GPLD1: variants seen among roughly 807,000 people sequenced by gnomAD.
The protein encoded by GPLD1 is phosphatidylinositol-glycan-specific phospholipase D.
A neutral mutation model predicts 112.6 loss-of-function variants in GPLD1; 84 were observed. The observed-to-expected ratio is 0.75, with a 90% CI of 0.63 to 0.89. The LOEUF (loss-of-function observed/expected upper bound fraction) is 0.89, where lower values mean the gene tolerates loss of function less well. Ranked by LOEUF, GPLD1 falls within the 40% of genes least tolerant of loss-of-function variation. The pLI is 0.00. For missense variants in GPLD1, 1,044 were observed against 1,051.5 expected, an observed-to-expected ratio of 0.99 and a Z score of 0.10; for synonymous variants, 386 against 403.8, an observed-to-expected ratio of 0.96 and a Z score of 0.53.
At chr6:24,493,656 T>C (rs1764614265), upstream of GPLD1, among the ~76,000 whole-genome samples, 1 of 152,156 alleles carries the variant, frequency 6.6e-6, no homozygotes, top group Non-Finnish European at 1.5e-5. Context: ...TGCAATAAAA[T>C]ACAGAGCAAA....
intron 7 of GPLD1, 110 bp from the exon 8 acceptor site, chr6:24,467,384 T>C (rs1315896349): frequency 2.4e-5 from 16 of 679,586 alleles, no homozygotes; most frequent in East Asian, 2.6e-5. Flanking sequence ...CCAGGCACCA[T>C]GTAAAAGTCT....
chr6:24,477,937 T>C (rs565763696), intron 3 of GPLD1, among the ~76,000 whole-genome samples: 1 of 152,306 alleles, frequency 6.6e-6, no homozygotes, highest in African/African-American at 2.4e-5. Context: ...GGAATTTGTA[T>C]GCAAATTCCC....
intron 14 of GPLD1, 33 bp from the exon 15 acceptor site, chr6:24,449,932 G>T (rs1488130245): frequency 6.7e-7 from 1 of 1,483,448 alleles, no homozygotes. Flanking sequence ...CCCCTGGGCT[G>T]AGCCACGGCC....
At chr6:24,455,075 G>A (rs1367129036) in intron 13 of GPLD1, among the ~76,000 whole-genome samples, 2 of 152,254 alleles carry the variant, frequency 1.3e-5, no homozygotes, top group Non-Finnish European at 2.9e-5. Context: ...AACCCAGTGA[G>A]CCGAAATCAG....
Position 24,472,629 on chromosome 6 carries a change from A to G in GPLD1, c.498T>C (p.Asp166=). ...AATTAAATTCAAACTGGCTCAACACATCTCCTCCTAGGGTATGAGAAAAAT... is the reference window on the plus strand; with the variant it reads ...AATTAAATTCAAACTGGCTCAACACGTCTCCTCCTAGGGTATGAGAAAAAT... ...EAHSAGDFGG[D]VLSQFEFNFN... Residue 166 remains aspartate (D), a synonymous_variant, in exon 7 of 25, where the codon GAT becomes GAC. Transcript: ENST00000230036. 6.3e-7 allele frequency: 1 copy of G among 1,583,878 alleles called. No homozygotes were observed. The highest frequency in any genetic ancestry group is 8.7e-7 in the Non-Finnish European group (1 of 1,152,570).
At chr6:24,465,209 A>AAAAG (rs1554132345) in intron 10 of GPLD1, among the ~76,000 whole-genome samples, 2,498 of 106,600 alleles carry the variant, frequency 0.023, 41 homozygotes, top group African/African-American at 0.065. Context: ...AAAAAAAAAA[A>AAAAG]AAAAGAAAAG....
intron 10 of GPLD1, among the ~76,000 whole-genome samples, chr6:24,464,038 T>C (rs1469962029): frequency 2.6e-5 from 4 of 152,174 alleles, no homozygotes; most frequent in Non-Finnish European, 4.4e-5. Flanking sequence ...CAAACCAAAA[T>C]TGAACACCAA....
At position 24,437,388 on chromosome 6, in the gene GPLD1, C is replaced by T. The variant is rs555710170; in HGVS notation, c.2021-99G>A. 613 of 1,131,474 alleles carry T rather than the reference C, an allele frequency of 5.4e-4. 1 individual carries two copies. Among genetic ancestry groups the T allele is most frequent in the Non-Finnish European group, 4.4e-4 (347 of 785,416 alleles). The allele number at this position is 1,131,474 out of a possible 1,614,324, so 70.1% of individuals were successfully genotyped here. ...TCAAGTGACACTGATCACTCGGGATCCTACAGGACAGTCGGTTTCGGAGCT... is the reference window on the plus strand; with the variant it reads ...TCAAGTGACACTGATCACTCGGGATTCTACAGGACAGTCGGTTTCGGAGCT... On this transcript the variant is annotated intron_variant, in intron 20 of 24. Coordinates refer to ENST00000230036, the MANE Select transcript of GPLD1 (RefSeq NM_001503.4).
chr6:24,427,362 G>A lies in GPLD1; in HGVS notation c.*1670C>T, dbSNP rs1762269677. 6.6e-6 allele frequency among the ~76,000 whole-genome samples: 1 copy of A among 152,140 alleles called. No homozygotes were observed. Among genetic ancestry groups the A allele is most frequent in the Non-Finnish European group, 1.5e-5 (1 of 68,030 alleles). ...ACATCTTTTCCCTCTAGTTCTTTTG[G>A]CACAAGTTGTAACCTAATGCGACAA... On this transcript the variant is annotated 3_prime_UTR_variant, in exon 25 of 25. Coordinates refer to ENST00000230036, the MANE Select transcript of GPLD1 (RefSeq NM_001503.4).
intron 7 of GPLD1, among the ~76,000 whole-genome samples, chr6:24,467,518 G>A (rs375169364): frequency 6.6e-6 from 1 of 152,156 alleles, no homozygotes; most frequent in Non-Finnish European, 1.5e-5. Context: ...CAATGATGCA[G>A]AGCAAACAAC....
chr6:24,476,139 G>T, intron 4 of GPLD1, 42 bp downstream of exon 4: 1 of 1,092,924 alleles, frequency 9.1e-7, no homozygotes, highest in Non-Finnish European at 1.4e-6. Flanking sequence ...TGCATGGCAG[G>T]TTTGGTGCTA....
rs77885128 is a variant in GPLD1 at position 24,431,198 on chromosome 6, G to A, written c.2436+1989C>T. On this transcript the variant is annotated intron_variant, in intron 24 of 24. Coordinates refer to ENST00000230036, the MANE Select transcript of GPLD1 (RefSeq NM_001503.4). ...GTCACTTAAATTATTGGCCACTAGA[G>A]GGCAGTTTCACCACAATTTTTCCTA... 3.2e-3 allele frequency among the ~76,000 whole-genome samples: 492 copies of A among 152,128 alleles called. 5 individuals carry two copies. The highest frequency in any genetic ancestry group is 0.011 in the African/African-American group (467 of 41,504).
At chr6:24,462,887 C>T (rs1208861519) in intron 10 of GPLD1, 92 bp from the exon 11 acceptor site, 17 of 930,330 alleles carry the variant, frequency 1.8e-5, no homozygotes, top group Non-Finnish European at 2.7e-5. Context: ...AATCATCTCC[C>T]AAAGGCTTAA....
chr6:24,470,929 T>C (rs557468008), intron 7 of GPLD1, among the ~76,000 whole-genome samples: 2 of 152,316 alleles, frequency 1.3e-5, no homozygotes, highest in East Asian at 3.9e-4. Context: ...ATTTTCCAAT[T>C]CATCTCTAGA....
intron 24 of GPLD1, among the ~76,000 whole-genome samples, chr6:24,431,170 TG>T (rs1762391470): frequency 6.6e-6 from 1 of 152,182 alleles, no homozygotes; most frequent in Admixed American, 6.5e-5. Flanking sequence ...TGCCTGTAAA[TG>T]GGTCACTTAA....
At position 24,485,673 on chromosome 6, in the gene GPLD1, TC is replaced by T. The variant is rs200211992; in HGVS notation, c.153+401del. ...AACATAAAGAAATAAATAATGAGTC[TC>T]TTTTTTTTTTTTGAGACGGAGTTTC... On this transcript the variant is annotated intron_variant, in intron 2 of 24. Coordinates refer to ENST00000230036, the MANE Select transcript of GPLD1 (RefSeq NM_001503.4). 9.3e-3 allele frequency among the ~76,000 whole-genome samples: 898 copies of T among 96,178 alleles called. 7 individuals are homozygous for T. The highest frequency in any genetic ancestry group is 0.013 in the Non-Finnish European group (633 of 48,220). The allele number at this position is 96,178 out of a possible 152,430, so 63.1% of individuals were successfully genotyped here. A position where few individuals can be genotyped will look rare whatever the true frequency, so the allele number is the denominator to read the frequency against.
At chr6:24,449,999 C>CCCCGCCA in intron 14 of GPLD1, 100 bp from the exon 15 acceptor site, 1 of 730,548 alleles carries the variant, frequency 1.4e-6, no homozygotes, top group Admixed American at 2.8e-5. Flanking sequence ...AACCCCCGCC[C>CCCCGCCA]CCCGCCACCC....
In GPLD1 at chr6:24,454,770, T is replaced by C. The variant is rs551169995; in HGVS notation, c.1149-569A>G. On this transcript the variant is annotated intron_variant, in intron 13 of 24. Coordinates refer to ENST00000230036, the MANE Select transcript of GPLD1 (RefSeq NM_001503.4). ...GGATAAACCGAGTCAAAGGTTCAAG[T>C]GTCACTACAGGGGCTGGAAAGACCA... 8.7e-4 allele frequency among the ~76,000 whole-genome samples: 133 copies of C among 152,358 alleles called. 1 individual carries two copies. The Middle Eastern group carries it at 0.01, about 12-fold the overall frequency.
At chr6:24,477,918 G>A (rs934033463) in intron 3 of GPLD1, among the ~76,000 whole-genome samples, 8 of 152,134 alleles carry the variant, frequency 5.3e-5, no homozygotes, top group Non-Finnish European at 8.8e-5. Flanking sequence ...AAACCTAAGT[G>A]GAATAAGTGG....
Sources: allele counts gnomAD v4.1 joint callset (sites outside exome capture counted in the v4.1 genomes callset), GRCh38; gene constraint gnomAD v4.1.1; transcripts MANE v1.5; gene names NCBI Gene and HGNC (gene_info 2026-07-23, HGNC 2026-07-21).